Variants in ROS1 observed in about 807,000 individuals in gnomAD.
ROS1 encodes ROS proto-oncogene 1, receptor tyrosine kinase.
Under a neutral mutation model 273.5 loss-of-function variants are expected in ROS1, and 263 were observed. That is an observed-to-expected ratio of 0.96 (90% CI 0.87 to 1.06). The LOEUF is 1.06. ROS1 is among the 50% of genes least tolerant of loss of function. The pLI is 0.00. For missense variants in ROS1, 2,833 were observed against 2,751.1 expected, an observed-to-expected ratio of 1.03 and a Z score of -0.67; for synonymous variants, 1,008 against 954.1, an observed-to-expected ratio of 1.06 and a Z score of -1.04.
At chr6:117,321,911 G>A (rs940900202) in intron 35 of ROS1, among the ~76,000 whole-genome samples, 2 of 142,230 alleles carry the variant, frequency 1.4e-5, no homozygotes, top group Admixed American at 1.5e-4. Context: ...TGTAGAAAAA[G>A]TATTGGAACG....
At chr6:117,362,090 A>G (rs1048472837) in intron 22 of ROS1, among the ~76,000 whole-genome samples, 5 of 152,196 alleles carry the variant, frequency 3.3e-5, no homozygotes, top group African/African-American at 1.2e-4. Flanking sequence ...TACAGAAATT[A>G]AAATCATGAT....
At chr6:117,372,877 C>T (rs941833859) in intron 18 of ROS1, among the ~76,000 whole-genome samples, 16 of 152,332 alleles carry the variant, frequency 1.1e-4, no homozygotes, top group African/African-American at 3.8e-4. Flanking sequence ...GGGCAGCCTG[C>T]TTTTATTCCC....
intron 4 of ROS1, among the ~76,000 whole-genome samples, chr6:117,412,115 G>C (rs774312993): frequency 6.6e-6 from 1 of 152,090 alleles, no homozygotes; most frequent in Non-Finnish European, 1.5e-5. Flanking sequence ...GGTCAGTGTG[G>C]CCAGCACAGA....
At chr6:117,320,933 C>T (rs1349451802) in intron 36 of ROS1, among the ~76,000 whole-genome samples, 1 of 152,146 alleles carries the variant, frequency 6.6e-6, no homozygotes, top group Non-Finnish European at 1.5e-5. Context: ...AAACTCCTCT[C>T]CTCTCAAACA....
chr6:117,387,960 C>A lies in ROS1; in HGVS notation c.1819G>T (p.Val607Leu). 6.2e-7 allele frequency: 1 copy of A among 1,614,140 alleles called. No individual in the cohort carries two copies. The highest frequency in any genetic ancestry group is 1.1e-5 in the South Asian group (1 of 91,078). The part of the protein sequence containing the change: ...PSAWQNWTYE[V>L]KVSTQDPPEV... ...GGAGGGTCTTGGGTGGATACTTTCA[C>A]CTCATAGGTCCAGTTCTGCCAGGCA... is the stretch of plus-strand genomic sequence containing the variant. Residue 607 changes from valine (V) to leucine (L), a missense_variant, in exon 14 of 44, where the codon GTG (valine) becomes TTG (leucine). Transcript: ENST00000368507.
At chr6:117,330,931 C>G (rs1261120636) in intron 32 of ROS1, among the ~76,000 whole-genome samples, 1 of 152,172 alleles carries the variant, frequency 6.6e-6, no homozygotes, top group African/African-American at 2.4e-5. Flanking sequence ...CAGAGTGCCT[C>G]TTCTCCTCTA....
intron 23 of ROS1, 41 bp downstream of exon 23, chr6:117,360,301 C>CACACACACACACACACCT: frequency 6.9e-7 from 1 of 1,441,556 alleles, no homozygotes; most frequent in Non-Finnish European, 9.7e-7. Context: ...CACACACACG[C>CACACACACACACACACCT]CTCTAAATTA....
chr6:117,344,141 G>A lies in ROS1; in HGVS notation c.4425C>T (p.Thr1475=). The change falls in exon 28 of 44, where the codon ACC becomes ACT. Residue 1475 remains threonine (T), a synonymous_variant. Transcript: ENST00000368507. ...AAACCAGGTATGTTGGAGTAGGGCTGGTGATGCCATACCATGTGAGGTTTG... is the reference window on the plus strand; with the variant it reads ...AAACCAGGTATGTTGGAGTAGGGCTAGTGATGCCATACCATGTGAGGTTTG... ...AKTNLTWYGI[T]SPTPTYLVYY... 1 of 1,613,950 alleles carries A rather than the reference G, an allele frequency of 6.2e-7. No individual in the cohort carries two copies. The highest frequency in any genetic ancestry group is 2.2e-5 in the East Asian group (1 of 44,868).
chr6:117,411,299 C>T (rs1774890314), intron 4 of ROS1, among the ~76,000 whole-genome samples: 1 of 149,162 alleles, frequency 6.7e-6, no homozygotes, highest in Non-Finnish European at 1.5e-5. Context: ...CTTTCACCTC[C>T]CTTCACCCCG....
At chr6:117,294,703 C>G (rs1774086047) in intron 43 of ROS1, among the ~76,000 whole-genome samples, 3 of 152,022 alleles carry the variant, frequency 2.0e-5, no homozygotes, top group Admixed American at 2.0e-4. Flanking sequence ...AAGGCAATGC[C>G]ATTTACAAGA....
At chr6:117,349,613 T>A (rs1033196052) in intron 27 of ROS1, among the ~76,000 whole-genome samples, 2 of 152,070 alleles carry the variant, frequency 1.3e-5, no homozygotes, top group African/African-American at 2.4e-5. Flanking sequence ...TTTGTTATTA[T>A]TTTTCATTTG....
At chr6:117,412,126 G>C (rs550441128) in intron 4 of ROS1, among the ~76,000 whole-genome samples, 1 of 152,266 alleles carries the variant, frequency 6.6e-6, no homozygotes, top group East Asian at 1.9e-4. Context: ...CCAGCACAGA[G>C]ACCAAGGGGA....
chr6:117,396,514 G>A (rs975464983), intron 8 of ROS1, among the ~76,000 whole-genome samples: 4 of 151,948 alleles, frequency 2.6e-5, no homozygotes, highest in South Asian at 2.1e-4. Flanking sequence ...ATTCTTCTCC[G>A]AATTTAAAGA....
chr6:117,338,850 A>T (rs182939613), intron 31 of ROS1, among the ~76,000 whole-genome samples: 1 of 152,086 alleles, frequency 6.6e-6, no homozygotes. Context: ...GAAGGCTACC[A>T]TAGAGGGATT....
intron 4 of ROS1, among the ~76,000 whole-genome samples, chr6:117,410,451 T>C (rs920883743): frequency 3.9e-5 from 6 of 152,142 alleles, no homozygotes; most frequent in Non-Finnish European, 8.8e-5. Context: ...CAATGCTGAG[T>C]TTTAAAATCT....
intron 4 of ROS1, among the ~76,000 whole-genome samples, chr6:117,411,232 TCTC>T (rs1389387109): frequency 6.6e-6 from 1 of 151,370 alleles, no homozygotes; most frequent in Non-Finnish European, 1.5e-5. Flanking sequence ...TCTCTCTCTC[TCTC>T]TCTCTCTTTC....
intron 12 of ROS1, among the ~76,000 whole-genome samples, chr6:117,390,161 C>CT (rs1467511726): frequency 5.9e-5 from 9 of 151,944 alleles, no homozygotes. Context: ...AGGTCTTACT[C>CT]TGTCACCCAG....
chr6:117,366,011 C>T (rs1260788680), intron 19 of ROS1, 65 bp downstream of exon 19: 2 of 1,329,454 alleles, frequency 1.5e-6, no homozygotes, highest in Non-Finnish European at 2.1e-6. Context: ...AAAAATATCC[C>T]AACCTAAACA....
intron 1 of ROS1, among the ~76,000 whole-genome samples, chr6:117,420,837 T>C (rs568012469): frequency 6.6e-6 from 1 of 152,040 alleles, no homozygotes; most frequent in East Asian, 1.9e-4. Flanking sequence ...TAGTATTATG[T>C]CCCAACTTGC....
Sources: gnomAD v4.1 joint callset for allele counts (sites outside exome capture counted in the v4.1 genomes callset) on GRCh38, gnomAD v4.1.1 for gene constraint, MANE v1.5 for transcripts, NCBI Gene and HGNC (gene_info 2026-07-23, HGNC 2026-07-21) for gene names.